The following LRRIQ3 variants were observed in gnomAD, a reference collection of about 807,000 sequenced individuals.
LRRIQ3 encodes the protein leucine rich repeats and IQ motif containing 3, also known as leucine-rich repeat and IQ domain-containing protein 3.
Under a neutral mutation model 59.3 loss-of-function variants are expected in LRRIQ3, and 75 were observed. The ratio of observed to expected loss-of-function variants is 1.26; its 90% CI spans 1.05 to 1.53. LRRIQ3 has a LOEUF of 1.53. Among genes scored for constraint, LRRIQ3 ranks in the 40% most tolerant of loss-of-function variants. The probability of loss-of-function intolerance (pLI) is 0.00; values close to 1 mark genes in which losing one functional copy is unlikely to be tolerated. For synonymous variants in LRRIQ3, 250 were observed against 231.3 expected, an observed-to-expected ratio of 1.08 and a Z score of -0.73; for missense variants, 831 against 710.0, an observed-to-expected ratio of 1.17 and a Z score of -1.94.
chr1:74,167,265 C>T (rs1055687916), intron 3 of LRRIQ3, among the ~76,000 whole-genome samples: 3 of 151,922 alleles, frequency 2.0e-5, no homozygotes, highest in South Asian at 2.1e-4. Flanking sequence ...CCATGGAATA[C>T]GACTCAGCCA....
chr1:74,037,098 T>A (rs1384088252), intron 7 of LRRIQ3, among the ~76,000 whole-genome samples: 1 of 152,216 alleles, frequency 6.6e-6, no homozygotes, highest in African/African-American at 2.4e-5. Context: ...TATACAACCT[T>A]TACTAATTGA....
intron 3 of LRRIQ3, among the ~76,000 whole-genome samples, chr1:74,163,372 T>G (rs2100684004): frequency 6.6e-6 from 1 of 151,730 alleles, no homozygotes; most frequent in South Asian, 2.1e-4. Flanking sequence ...TAAGGATCAC[T>G]TGGTAAACAC....
Position 74,124,995 on chromosome 1 carries a change from AT to A in LRRIQ3, c.708-15443del, listed in dbSNP as rs566763590. Among the ~76,000 whole-genome samples the A allele has an allele frequency of 3.8e-3, 575 of 151,852 alleles. 5 individuals are homozygous for A. Among genetic ancestry groups the A allele is most frequent in the African/African-American group, 0.013 (546 of 41,494 alleles). On this transcript the variant is annotated intron_variant, in intron 4 of 7. Coordinates refer to ENST00000354431, the MANE Select transcript of LRRIQ3 (RefSeq NM_001105659.2). ...ATTAATTATTCTAATCCAGGAACATATGTATTTCCATTTTTTTTGTATCCTC... is the reference window on the plus strand; with the variant it reads ...ATTAATTATTCTAATCCAGGAACATAGTATTTCCATTTTTTTTGTATCCTC...
chr1:74,053,312 T>C (rs1206676593), intron 6 of LRRIQ3, among the ~76,000 whole-genome samples: 3 of 151,950 alleles, frequency 2.0e-5, no homozygotes, highest in Admixed American at 6.6e-5. Context: ...AGAAATCCTA[T>C]ATAATTTTGA....
At chr1:74,192,964 T>C (rs1317426352) in intron 1 of LRRIQ3, among the ~76,000 whole-genome samples, 6 of 152,154 alleles carry the variant, frequency 3.9e-5, no homozygotes, top group African/African-American at 1.4e-4. Flanking sequence ...ATAACTCAAA[T>C]GACCAGGCCC....
At chr1:74,121,995 T>A (rs1273104542) in intron 4 of LRRIQ3, among the ~76,000 whole-genome samples, 1 of 152,126 alleles carries the variant, frequency 6.6e-6, no homozygotes, top group African/African-American at 2.4e-5. Flanking sequence ...GTTGGACATT[T>A]GACTTGGTTC....
chr1:74,184,595 T>C (rs1296728710), intron 1 of LRRIQ3, among the ~76,000 whole-genome samples: 2 of 152,122 alleles, frequency 1.3e-5, no homozygotes, highest in Non-Finnish European at 2.9e-5. Flanking sequence ...GGTTACTTTA[T>C]ATATCACAAC....
At chr1:74,141,086 T>C (rs1183987022) in intron 4 of LRRIQ3, among the ~76,000 whole-genome samples, 1 of 151,842 alleles carries the variant, frequency 6.6e-6, no homozygotes, top group Non-Finnish European at 1.5e-5. Flanking sequence ...TCTGTATAAT[T>C]GAACTATTAT....
intron 5 of LRRIQ3, among the ~76,000 whole-genome samples, chr1:74,086,047 G>T (rs1646324907): frequency 6.6e-6 from 1 of 152,028 alleles, no homozygotes; most frequent in Non-Finnish European, 1.5e-5. Flanking sequence ...TCTCTTTCCA[G>T]TTCTAGTACC....
chr1:74,148,224 T>C (rs1256076250), intron 4 of LRRIQ3, among the ~76,000 whole-genome samples: 1 of 152,228 alleles, frequency 6.6e-6, no homozygotes, highest in Non-Finnish European at 1.5e-5. Context: ...TTGTTATAGA[T>C]GCATCTACAG....
chr1:74,182,678 C>G lies in LRRIQ3; in HGVS notation c.433G>C (p.Val145Leu), dbSNP rs367655835. The G allele has an allele frequency of 6.2e-7, 1 of 1,612,472 alleles. No individual in the cohort carries two copies. The highest frequency in any genetic ancestry group is 8.5e-7 in the Non-Finnish European group (1 of 1,178,908). Residue 145 changes from valine (V) to leucine (L), a missense_variant, in exon 3 of 8, where the codon GTT becomes CTT. By Grantham distance (32) the Val-to-Leu change is conservative. Coordinates refer to ENST00000354431, the MANE Select transcript of LRRIQ3 (RefSeq NM_001105659.2). ...GCTTTGAGAGGCCATATACTGTTAA[C>G]AAGAACATGTCTATATCCTTTTTTA... ...SLKKGYRHVLVNSIWPLKALD... is the reference protein window; with the variant it reads ...SLKKGYRHVLLNSIWPLKALD...
At chr1:74,125,339 C>T (rs964227412) in intron 4 of LRRIQ3, among the ~76,000 whole-genome samples, 4 of 151,884 alleles carry the variant, frequency 2.6e-5, no homozygotes, top group Admixed American at 2.0e-4. Flanking sequence ...AATTTGAATG[C>T]CCTTTATTTC....
chr1:74,075,183 C>T (rs985960391), intron 5 of LRRIQ3, among the ~76,000 whole-genome samples: 2 of 151,902 alleles, frequency 1.3e-5, no homozygotes, highest in African/African-American at 4.8e-5. Context: ...TCACAGAGCA[C>T]TAAAAGGCAG....
At chr1:74,177,933 T>C (rs1649747534) in intron 3 of LRRIQ3, among the ~76,000 whole-genome samples, 1 of 151,988 alleles carries the variant, frequency 6.6e-6, no homozygotes, top group Non-Finnish European at 1.5e-5. Flanking sequence ...GATTTATTCT[T>C]ATATTTATCA....
In LRRIQ3 at chr1:74,102,511, C is replaced by T. The variant is rs145558128; in HGVS notation, c.867+6883G>A. 1.5e-3 allele frequency among the ~76,000 whole-genome samples: 228 copies of T among 152,016 alleles called. 2 individuals are homozygous for T. Among genetic ancestry groups the T allele is most frequent in the African/African-American group, 5.2e-3 (217 of 41,514 alleles). On this transcript the variant is annotated intron_variant, in intron 5 of 7. Transcript: ENST00000354431. ...ATATGAAAAAGTTGAAACTCCTTTG[C>T]GCTGTTTTTGAAAATGCAAAATGAC...
intron 1 of LRRIQ3, among the ~76,000 whole-genome samples, chr1:74,187,177 G>C (rs996008784): frequency 3.3e-5 from 5 of 151,942 alleles, no homozygotes; most frequent in Non-Finnish European, 7.4e-5. Flanking sequence ...CCACTACTGG[G>C]TATCTATCCA....
rs373510272 is a variant in LRRIQ3, at chr1:74,026,958, A to G, written c.1730T>C (p.Ile577Thr). The change falls in exon 8 of 8, where the codon ATA becomes ACA. Residue 577 changes from isoleucine to threonine, a missense_variant. By Grantham distance (89) the Ile-to-Thr change is moderately conservative. Coordinates refer to ENST00000354431, the MANE Select transcript of LRRIQ3 (RefSeq NM_001105659.2). ...TTTTTCTTCACAATGTCTTTTATAT[A>G]TTTCTTGAGATCTAAGAGGAGAAAG... ...KEMKKVRSQE[I>T]YKRHCEEKFV... The G allele has an allele frequency of 1.3e-6, 2 of 1,544,858 alleles. No individual in the cohort carries two copies. Among genetic ancestry groups the G allele is most frequent in the Admixed American group, 3.7e-5 (2 of 53,654 alleles).
intron 3 of LRRIQ3, among the ~76,000 whole-genome samples, chr1:74,158,614 C>A (rs1467825295): frequency 6.6e-6 from 1 of 152,026 alleles, no homozygotes; most frequent in African/African-American, 2.4e-5. Context: ...TGAAATAATT[C>A]ATTTGTCACT....
intron 4 of LRRIQ3, among the ~76,000 whole-genome samples, chr1:74,130,183 G>GA: frequency 6.6e-6 from 1 of 152,168 alleles, no homozygotes; most frequent in African/African-American, 2.4e-5. Context: ...ACAGATTGCA[G>GA]ACTTTGTGGT....
Sources: gnomAD v4.1 joint callset for allele counts (sites outside exome capture counted in the v4.1 genomes callset) on GRCh38, gnomAD v4.1.1 for gene constraint, MANE v1.5 for transcripts, NCBI Gene and HGNC (gene_info 2026-07-23, HGNC 2026-07-21) for gene names.